WDR70: variants seen among roughly 807,000 people sequenced by gnomAD.
The protein encoded by WDR70 is WD repeat domain 70.
Under a neutral mutation model 88.6 loss-of-function variants are expected in WDR70, and 53 were observed. The ratio of observed to expected loss-of-function variants is 0.60; its 90% CI spans 0.48 to 0.75. The LOEUF (loss-of-function observed/expected upper bound fraction) is 0.75. WDR70 is among the 30% of genes least tolerant of loss of function. WDR70 has a pLI of 0.00. For synonymous variants in WDR70, 280 were observed against 270.0 expected, an observed-to-expected ratio of 1.04 and a Z score of -0.36; for missense variants, 610 against 823.2, an observed-to-expected ratio of 0.74 and a Z score of 3.17.
chr5:37,443,286 A>G lies in WDR70; in HGVS notation c.600A>G (p.Gly200=). 4 of 1,613,758 alleles carry G rather than the reference A, an allele frequency of 2.5e-6. No homozygotes were observed. Among genetic ancestry groups the G allele is most frequent in the Non-Finnish European group, 3.4e-6 (4 of 1,179,834 alleles). Residue 200 remains glycine, a synonymous_variant, in exon 7 of 18, where the codon GGA becomes GGG. Transcript: ENST00000265107. ...CCTCAGGTGCCCGTTTGGTGACAGG[A>G]GGATATGACTATGATGTTAAGTTTT... is the stretch of plus-strand genomic sequence containing the variant. ...LDPSGARLVT[G]GYDYDVKFWD...
At chr5:37,380,761 C>T (rs1424814417) in intron 2 of WDR70, among the ~76,000 whole-genome samples, 1 of 152,100 alleles carries the variant, frequency 6.6e-6, no homozygotes, top group African/African-American at 2.4e-5. Context: ...CATCCTCCCA[C>T]CTTAGTCTCC....
chr5:37,629,893 T>C (rs776599624), intron 10 of WDR70, among the ~76,000 whole-genome samples: 1 of 152,158 alleles, frequency 6.6e-6, no homozygotes, highest in Non-Finnish European at 1.5e-5. Context: ...GGTGGTCGCC[T>C]CTTCCAATTT....
At chr5:37,385,039 T>C (rs528358829) in intron 3 of WDR70, among the ~76,000 whole-genome samples, 11 of 152,316 alleles carry the variant, frequency 7.2e-5, no homozygotes, top group South Asian at 2.1e-4. Flanking sequence ...GGAAACACTT[T>C]ACTTGCGTTT....
chr5:37,712,877 T>G (rs1747552869), intron 13 of WDR70, among the ~76,000 whole-genome samples: 1 of 151,950 alleles, frequency 6.6e-6, no homozygotes, highest in Admixed American at 6.6e-5. Flanking sequence ...AATTTTTTTT[T>G]TCTTAGTAGA....
chr5:37,722,642 T>C, intron 14 of WDR70: 1 of 554,966 alleles, frequency 1.8e-6, no homozygotes. Context: ...CCCTCTTGCT[T>C]GTTAATAACC....
chr5:37,398,375 G>A (rs1396761253), intron 5 of WDR70, among the ~76,000 whole-genome samples: 7 of 150,512 alleles, frequency 4.7e-5, no homozygotes, highest in Non-Finnish European at 5.9e-5. Flanking sequence ...GTGAGCCACT[G>A]CGCCCGGCCG....
chr5:37,691,655 G>C (rs1428362718), intron 10 of WDR70, among the ~76,000 whole-genome samples: 1 of 152,118 alleles, frequency 6.6e-6, no homozygotes, highest in African/African-American at 2.4e-5. Flanking sequence ...GATGTTCTTT[G>C]AACCAATGAG....
intron 10 of WDR70, among the ~76,000 whole-genome samples, chr5:37,611,278 A>T (rs2112487119): frequency 6.7e-6 from 1 of 148,660 alleles, no homozygotes; most frequent in South Asian, 2.1e-4. Flanking sequence ...TTCTGTAGTG[A>T]TTTTTTTTTT....
At chr5:37,652,058 G>A (rs1198249716) in intron 10 of WDR70, among the ~76,000 whole-genome samples, 1 of 152,170 alleles carries the variant, frequency 6.6e-6, no homozygotes, top group East Asian at 1.9e-4. Flanking sequence ...TTTTCTTCTG[G>A]AGTTTTTATG....
At chr5:37,709,349 CT>C (rs1304289355) in intron 13 of WDR70, among the ~76,000 whole-genome samples, 1 of 152,092 alleles carries the variant, frequency 6.6e-6, no homozygotes, top group Admixed American at 6.6e-5. Flanking sequence ...CTGTAATTCA[CT>C]TTTTTTAGGA....
intron 7 of WDR70, among the ~76,000 whole-genome samples, chr5:37,457,538 A>G (rs573966383): frequency 6.6e-6 from 1 of 152,294 alleles, no homozygotes; most frequent in Admixed American, 6.5e-5. Context: ...AAATGCATAT[A>G]CCCTCAGACC....
chr5:37,694,737 C>T (rs1447194766), intron 10 of WDR70, among the ~76,000 whole-genome samples: 1 of 151,832 alleles, frequency 6.6e-6, no homozygotes, highest in Non-Finnish European at 1.5e-5. Flanking sequence ...AGGAGAAATA[C>T]CTAATGTAAA....
chr5:37,716,635 G>A (rs1372398356), intron 13 of WDR70, among the ~76,000 whole-genome samples: 1 of 152,124 alleles, frequency 6.6e-6, no homozygotes, highest in Non-Finnish European at 1.5e-5. Context: ...TCATCTGTGA[G>A]ATGGGATGAG....
Position 37,525,259 on chromosome 5 carries a change from C to T in WDR70, c.917+8669C>T, listed in dbSNP as rs182190069. The stretch of plus-strand genomic sequence containing the variant: ...GCAGTCCTCAGCAAATGTAAAAGAA[C>T]AGAAATTATAAAAAACCGTCTCTCA... On this transcript the variant is annotated intron_variant, in intron 9 of 17. Transcript: ENST00000265107. Among the ~76,000 whole-genome samples, 1,500 of 152,228 alleles carry T rather than the reference C, an allele frequency of 9.9e-3. 11 individuals are homozygous for T. The highest frequency in any genetic ancestry group is 0.015 in the Non-Finnish European group (1,052 of 68,006).
chr5:37,558,919 C>CT (rs112687653), intron 9 of WDR70, among the ~76,000 whole-genome samples: 115 of 143,672 alleles, frequency 8.0e-4, no homozygotes, highest in Middle Eastern at 3.6e-3. Context: ...TTGGTGTATT[C>CT]TTTTTTTTTT....
At chr5:37,497,157 C>G (rs1013576021) in intron 8 of WDR70, among the ~76,000 whole-genome samples, 5 of 150,926 alleles carry the variant, frequency 3.3e-5, no homozygotes, top group African/African-American at 1.2e-4. Context: ...CCCCTTCCTT[C>G]ACTCCCTCCC....
chr5:37,593,458 G>T (rs1743601292), intron 9 of WDR70, among the ~76,000 whole-genome samples: 1 of 152,128 alleles, frequency 6.6e-6, no homozygotes, highest in African/African-American at 2.4e-5. Context: ...CTGCATCCAT[G>T]CCCCTGCAAA....
intron 7 of WDR70, among the ~76,000 whole-genome samples, chr5:37,472,975 AT>A (rs1323336894): frequency 6.6e-6 from 1 of 151,878 alleles, no homozygotes; most frequent in African/African-American, 2.4e-5. Context: ...TCTCCAACAT[AT>A]TTTTTTATCT....
intron 10 of WDR70, among the ~76,000 whole-genome samples, chr5:37,631,229 G>T (rs935103711): frequency 6.6e-6 from 1 of 152,082 alleles, no homozygotes; most frequent in Non-Finnish European, 1.5e-5. Context: ...TTTTTAGTCT[G>T]GGGGGACAAA....
Sources: gnomAD v4.1 joint callset for allele counts (sites outside exome capture counted in the v4.1 genomes callset) on GRCh38, gnomAD v4.1.1 for gene constraint, MANE v1.5 for transcripts, NCBI Gene and HGNC (gene_info 2026-07-23, HGNC 2026-07-21) for gene names.